TOGARAM2: variants seen among roughly 807,000 people sequenced by gnomAD.
The protein encoded by TOGARAM2 is TOG array regulator of axonemal microtubules protein 2.
A neutral mutation model predicts 93.3 loss-of-function variants in TOGARAM2; 85 were observed. That is an observed-to-expected ratio of 0.91 (90% CI 0.76 to 1.09). The LOEUF (loss-of-function observed/expected upper bound fraction) is 1.09. Among genes scored for constraint, TOGARAM2 ranks in the 50% least tolerant of loss-of-function variants. TOGARAM2 has a pLI of 0.00. For synonymous variants in TOGARAM2, 593 were observed against 552.8 expected (o/e 1.07, Z -1.02); for missense variants, 1,277 against 1,334.5 (o/e 0.96, Z 0.67).
chr2:28,960,187 A>C (rs1671783518), intron 1 of TOGARAM2, among the ~76,000 whole-genome samples: 1 of 152,184 alleles, frequency 6.6e-6, no homozygotes. Context: ...ATTTGTGTGC[A>C]TATATTTATT....
chr2:28,998,075 C>A, intron 2 of TOGARAM2, 68 bp from the exon 3 acceptor site: 1 of 1,136,528 alleles, frequency 8.8e-7, no homozygotes, highest in Non-Finnish European at 1.2e-6. Flanking sequence ...GCCGGGTGTT[C>A]TTGGTTTGCT....
chr2:29,038,346 T>G (rs1666241662), intron 18 of TOGARAM2, among the ~76,000 whole-genome samples: 1 of 152,168 alleles, frequency 6.6e-6, no homozygotes, highest in South Asian at 2.1e-4. Flanking sequence ...TCTCTTCCTC[T>G]CTAATCCATA....
Position 28,998,290 on chromosome 2 carries a change from G to A in TOGARAM2, c.139+37G>A, listed in dbSNP as rs754892777. On this transcript the variant is annotated intron_variant, in intron 3 of 19. Coordinates refer to ENST00000379558, the MANE Select transcript of TOGARAM2 (RefSeq NM_199280.4). ...AGACCTCACCTGGTCAGGGCCCCTG[G>A]CCTCATCCTGGAGCGGGGAGTGAGT... 5.5e-6 allele frequency: 8 copies of A among 1,463,700 alleles called. No individual in the cohort carries two copies. In the Admixed American group the frequency reaches 1.2e-4, roughly 21 times the overall value. The allele number at this position is 1,463,700 out of a possible 1,614,324, so 90.7% of individuals were successfully genotyped here.
At position 29,035,665 on chromosome 2, in the gene TOGARAM2, C is replaced by T. The variant is rs780373407; in HGVS notation, c.2418+9C>T. On this transcript the variant is annotated intron_variant, in intron 17 of 19. Transcript: ENST00000379558. ...CTGCCCACCTGGTCCAGGTGAGCAC[C>T]GCTTGCTTTTACTCTCCCACCTGTC... 69 of 1,405,756 alleles carry T rather than the reference C, an allele frequency of 4.9e-5. No individual in the cohort carries two copies. The highest frequency in any genetic ancestry group is 6.1e-5 in the Non-Finnish European group (65 of 1,068,498). 87.1% of individuals were successfully genotyped at this position (1,405,756 alleles called of 1,614,324 possible).
chr2:28,988,641 A>G (rs1013640670), intron 1 of TOGARAM2, among the ~76,000 whole-genome samples: 1 of 152,160 alleles, frequency 6.6e-6, no homozygotes, highest in African/African-American at 2.4e-5. Flanking sequence ...CAGAGAACAA[A>G]CAAGCAAACA....
chr2:29,036,432 C>G (rs1225324787), intron 17 of TOGARAM2, 109 bp from the exon 18 acceptor site: 2 of 922,012 alleles, frequency 2.2e-6, no homozygotes, highest in Non-Finnish European at 3.4e-6. Context: ...CAGGAGGAGT[C>G]TCTGCTGAGG....
chr2:28,957,104 C>CAA (rs778600559), intron 1 of TOGARAM2, among the ~76,000 whole-genome samples: 2 of 151,308 alleles, frequency 1.3e-5, no homozygotes, highest in Non-Finnish European at 2.9e-5. Flanking sequence ...GACTTTGTCT[C>CAA]AAAAAACAAA....
rs756063026 is a variant in TOGARAM2 at position 29,017,104 on chromosome 2, A to C, written c.1045-50A>C. The stretch of plus-strand genomic sequence containing the variant: ...AAACATTTTTGATGATTGAATGTTG[A>C]TGATTGAATGAATGGGAGGTTAATA... On this transcript the variant is annotated intron_variant, in intron 8 of 19. Coordinates refer to ENST00000379558, the MANE Select transcript of TOGARAM2 (RefSeq NM_199280.4). 3.2e-6 allele frequency: 5 copies of C among 1,587,050 alleles called. No homozygotes were observed. The African/African-American group carries it at 6.8e-5, about 21-fold the overall frequency.
chr2:28,957,664 G>A (rs752156430), intron 1 of TOGARAM2, among the ~76,000 whole-genome samples: 6 of 152,148 alleles, frequency 3.9e-5, no homozygotes, highest in African/African-American at 9.7e-5. Context: ...GAACATTCCA[G>A]TTTGGGCAAC....
At chr2:29,016,624 T>G (rs1255205191) in intron 8 of TOGARAM2, among the ~76,000 whole-genome samples, 2 of 152,206 alleles carry the variant, frequency 1.3e-5, no homozygotes, top group Non-Finnish European at 2.9e-5. Flanking sequence ...TTAAACGGCT[T>G]CCTGTGTCCT....
chr2:28,990,328 C>A (rs775338047), intron 1 of TOGARAM2, among the ~76,000 whole-genome samples: 4 of 152,154 alleles, frequency 2.6e-5, no homozygotes, highest in Admixed American at 6.5e-5. Context: ...CTTCCAAGGC[C>A]CCACTTGAGG....
At chr2:29,048,370 A>G (rs1038727740) in intron 19 of TOGARAM2, 2 of 152,176 alleles carry the variant, frequency 1.3e-5, no homozygotes, top group African/African-American at 4.8e-5. Flanking sequence ...AATACACAAC[A>G]TAAAATGTAC....
At chr2:28,958,385 A>C (rs565030886) in intron 1 of TOGARAM2, among the ~76,000 whole-genome samples, 1 of 151,020 alleles carries the variant, frequency 6.6e-6, no homozygotes, top group South Asian at 2.1e-4. Flanking sequence ...GGCTCACTGC[A>C]GCCTCGGACT....
Position 29,051,808 on chromosome 2 carries a change from C to T in TOGARAM2, c.2775C>T (p.Val925=). The change falls in exon 20 of 20, where the codon GTC becomes GTT. Residue 925 remains valine (V), a synonymous_variant. Transcript: ENST00000379558. ...PRKPQAVERH[V]LPILWHFLNT... is the part of the protein sequence containing the mutation. ...AGCCTCAAGCTGTAGAGCGGCATGT[C>T]CTTCCCATCCTCTGGCACTTCCTGA... 1 of 1,557,996 alleles carries T rather than the reference C, an allele frequency of 6.4e-7. No homozygotes were observed. Among genetic ancestry groups the T allele is most frequent in the South Asian group, 1.2e-5 (1 of 84,142 alleles).
At chr2:28,991,190 G>A (rs914109828) in intron 1 of TOGARAM2, among the ~76,000 whole-genome samples, 8 of 152,112 alleles carry the variant, frequency 5.3e-5, no homozygotes, top group African/African-American at 1.9e-4. Context: ...TGAAGAAACT[G>A]AAGCTCAGAG....
At chr2:29,036,519 T>G in intron 17 of TOGARAM2, 22 bp from the exon 18 acceptor site, 17 of 1,613,474 alleles carry the variant, frequency 1.1e-5, no homozygotes, top group Middle Eastern at 1.7e-4. Context: ...CCATGGGCTC[T>G]TGGTTTCTGT....
upstream of TOGARAM2, among the ~76,000 whole-genome samples, chr2:28,978,926 G>A (rs1332345604): frequency 6.6e-6 from 1 of 152,144 alleles, no homozygotes; most frequent in East Asian, 1.9e-4. Context: ...GGCTTTGTGA[G>A]ACTCGAGGCT....
In TOGARAM2 at chr2:29,035,423, G is replaced by C. The variant is rs72859149; in HGVS notation, c.2226-41G>C. On this transcript the variant is annotated intron_variant, in intron 16 of 19. Coordinates refer to ENST00000379558, the MANE Select transcript of TOGARAM2 (RefSeq NM_199280.4). ...ACCAGAAGTGGGTTCATTCCCCCGG[G>C]CTCTTCCCTGGGGGGTTCAGACGCC... The C allele has an allele frequency of 5.2e-3, 6,721 of 1,293,994 alleles. 170 individuals carry two copies. In the African/African-American group the frequency reaches 0.067, roughly 13 times the overall value. 80.2% of individuals were successfully genotyped at this position (1,293,994 alleles called of 1,614,324 possible).
intron 1 of TOGARAM2, among the ~76,000 whole-genome samples, chr2:28,969,667 T>C (rs1311022608): frequency 1.3e-5 from 2 of 152,162 alleles, no homozygotes; most frequent in African/African-American, 2.4e-5. Flanking sequence ...GACCTTGGAA[T>C]GAGAGAGAAG....
Sources: allele counts gnomAD v4.1 joint callset (sites outside exome capture counted in the v4.1 genomes callset), GRCh38; gene constraint gnomAD v4.1.1; transcripts MANE v1.5; gene names NCBI Gene and HGNC (gene_info 2026-07-23, HGNC 2026-07-21).